The following BRD8 variants were observed in gnomAD, a reference collection of about 807,000 sequenced individuals.
BRD8 encodes the protein bromodomain containing 8, also known as bromodomain-containing protein 8.
Under a neutral mutation model 143.1 loss-of-function variants are expected in BRD8, and 67 were observed. The ratio of observed to expected loss-of-function variants is 0.47; its 90% CI spans 0.38 to 0.57. BRD8 has a LOEUF of 0.57. Among genes scored for constraint, BRD8 ranks in the 20% least tolerant of loss-of-function variants. The pLI, the probability that BRD8 is intolerant of heterozygous loss-of-function variation, is 0.00. For missense variants in BRD8, 1,103 were observed against 1,503.0 expected (o/e 0.73, Z 4.40); for synonymous variants, 505 against 517.1 (o/e 0.98, Z 0.32).
In BRD8 at chr5:138,166,564, T is replaced by C; in HGVS notation, c.951A>G (p.Ala317=). ...ATIVMMPALP[A]PSSAPAVSTT... ...TGGAGACAGCCGGAGCAGAGGATGG[T>C]GCTGGCAGCGCAGGCATCATGACAA... The change falls in exon 10 of 27, where the codon GCA becomes GCG. Residue 317 remains alanine, a synonymous_variant. Transcript: ENST00000254900. 6.2e-7 allele frequency: 1 copy of C among 1,614,004 alleles called. No individual in the cohort carries two copies. The highest frequency in any genetic ancestry group is 8.5e-7 in the Non-Finnish European group (1 of 1,179,964).
At chr5:138,178,574 C>CA (rs1278377397) in intron 1 of BRD8, 22 bp downstream of exon 1, 8 of 1,612,340 alleles carry the variant, frequency 5.0e-6, no homozygotes, top group Non-Finnish European at 6.8e-6. Context: ...GCCTTTCACG[C>CA]AAAACCTGCT....
chr5:138,145,117 TA>T, intron 25 of BRD8, 59 bp downstream of exon 25: 3 of 1,489,178 alleles, frequency 2.0e-6, no homozygotes, highest in Non-Finnish European at 2.8e-6. Context: ...AGATGGGAAA[TA>T]AAAAATGAAA....
chr5:138,142,519 C>G (rs987301123), intron 25 of BRD8, among the ~76,000 whole-genome samples: 2 of 151,830 alleles, frequency 1.3e-5, no homozygotes, highest in African/African-American at 4.8e-5. Flanking sequence ...AATCCCAGCA[C>G]TTTGGGAGGC....
At chr5:138,166,853 G>A (rs1162943858) in intron 9 of BRD8, 126 bp from the exon 10 acceptor site, 1 of 672,090 alleles carries the variant, frequency 1.5e-6, no homozygotes, top group South Asian at 1.6e-5. Flanking sequence ...CTCCTGCATT[G>A]AATAAGTTCA....
chr5:138,165,915 A>G lies in BRD8; in HGVS notation c.1191T>C (p.Ala397=), dbSNP rs1387754552. ...SIDGKEELDL[A]EKMDIAVSYT... ...AAGACACAGCAATATCCATCTTCTC[A>G]GCCAGATCTAATTCTTCCTTCCCAT... Residue 397 remains alanine, a synonymous_variant, in exon 11 of 27, where the codon GCT becomes GCC. Transcript: ENST00000254900. The G allele has an allele frequency of 2.5e-6, 4 of 1,614,100 alleles. No homozygotes were observed. The highest frequency in any genetic ancestry group is 3.4e-6 in the Non-Finnish European group (4 of 1,180,056).
Position 138,170,814 on chromosome 5 carries a change from C to T in BRD8, c.440+18G>A. ...GTAAAAAGAAAGAAGCACAGAAGAA[C>T]AATATAATATAACCCACGTTGCAAT... On this transcript the variant is annotated intron_variant, in intron 6 of 26. Coordinates refer to ENST00000254900, the MANE Select transcript of BRD8 (RefSeq NM_139199.2). The T allele has an allele frequency of 6.2e-7, 1 of 1,604,012 alleles. No individual in the cohort carries two copies. The highest frequency in any genetic ancestry group is 8.5e-7 in the Non-Finnish European group (1 of 1,171,056).
chr5:138,164,899 C>T lies in BRD8; in HGVS notation c.1546G>A (p.Glu516Lys). 1 of 1,614,196 alleles carries T rather than the reference C, an allele frequency of 6.2e-7. No homozygotes were observed. Residue 516 changes from glutamate (E) to lysine (K), a missense_variant, in exon 12 of 27, where the codon GAG becomes AAG. Transcript: ENST00000254900. ...ATTTCGGCTCCTGAAATGACTGGCT[C>T]TGGTTCTGCAGGTTCCACCTTGATC... Reference protein sequence around the residue: ...AEIKVEPAEPEPVISGAEIVA... With the variant: ...AEIKVEPAEPKPVISGAEIVA...
intron 20 of BRD8, chr5:138,157,323 G>A (rs905973861): frequency 5.6e-6 from 9 of 1,605,708 alleles, no homozygotes; most frequent in African/African-American, 2.7e-5. Context: ...GACAAGAGAC[G>A]GTGCAACAGA....
At chr5:138,147,831 A>G (rs1039809415) in intron 23 of BRD8, among the ~76,000 whole-genome samples, 2 of 152,068 alleles carry the variant, frequency 1.3e-5, no homozygotes, top group African/African-American at 4.8e-5. Context: ...CCAGCTATTC[A>G]TGAGGCTGAG....
At chr5:138,168,206 G>T in intron 8 of BRD8, 128 bp from the exon 9 acceptor site, 1 of 732,838 alleles carries the variant, frequency 1.4e-6, no homozygotes, top group Middle Eastern at 4.0e-4. Flanking sequence ...AATAATTTAA[G>T]ACCCAAGGGA....
At chr5:138,167,273 AAACAAC>A (rs756397602) in intron 9 of BRD8, among the ~76,000 whole-genome samples, 2 of 151,736 alleles carry the variant, frequency 1.3e-5, no homozygotes, top group African/African-American at 2.4e-5. Flanking sequence ...GTCTCAAAAA[AAACAAC>A]AACAACAACA....
At chr5:138,163,955 T>C in intron 14 of BRD8, 132 bp downstream of exon 14, 1 of 1,102,274 alleles carries the variant, frequency 9.1e-7, no homozygotes, top group Non-Finnish European at 1.3e-6. Flanking sequence ...CTACTGCAGC[T>C]TTTCCCCATG....
chr5:138,149,765 G>A lies in BRD8; in HGVS notation c.3153C>T (p.Asp1051=). Residue 1051 remains aspartate, a synonymous_variant, in exon 23 of 27, where the codon GAC becomes GAT. Transcript: ENST00000254900. The stretch of plus-strand genomic sequence containing the variant: ...TCTCTGACACATATACTTCACCCTG[G>A]TCCTCCCCTTTGGATTCTTGCTGAG... The part of the protein sequence containing the change: ...GEAQQESKGE[D]QGEVYVSEME... 3 of 1,610,742 alleles carry A rather than the reference G, an allele frequency of 1.9e-6. No individual in the cohort carries two copies. Among genetic ancestry groups the A allele is most frequent in the Non-Finnish European group, 2.5e-6 (3 of 1,179,060 alleles).
intron 2 of BRD8, 131 bp downstream of exon 2, chr5:138,177,440 C>T: frequency 3.4e-6 from 2 of 581,118 alleles, no homozygotes; most frequent in Non-Finnish European, 6.1e-6. Context: ...GAGACTCAGT[C>T]TCAAAAAAAG....
intron 21 of BRD8, 29 bp downstream of exon 21, chr5:138,152,453 C>T (rs539478006): frequency 1.2e-6 from 2 of 1,608,236 alleles, no homozygotes; most frequent in East Asian, 2.2e-5. Flanking sequence ...GAGGCTTTTC[C>T]AGCTTTGGAA....
At chr5:138,175,781 G>A (rs1754272629) in intron 2 of BRD8, among the ~76,000 whole-genome samples, 1 of 151,086 alleles carries the variant, frequency 6.6e-6, no homozygotes, top group African/African-American at 2.4e-5. Context: ...AGGGGTGATG[G>A]CATGTGCCTG....
intron 20 of BRD8, among the ~76,000 whole-genome samples, chr5:138,155,180 C>CTTT: frequency 6.6e-6 from 1 of 150,752 alleles, no homozygotes; most frequent in South Asian, 2.2e-4. Context: ...GGCGTGGTGG[C>CTTT]TTATGTCTGT....
intron 2 of BRD8, among the ~76,000 whole-genome samples, chr5:138,173,796 C>G (rs146752585): frequency 2.6e-5 from 4 of 152,316 alleles, no homozygotes; most frequent in South Asian, 2.1e-4. Context: ...CATCCTCACA[C>G]CTCAGCCTCC....
rs116624946 is a variant in BRD8, at chr5:138,139,955, G to A, written c.*119C>T. ...CTTTGACTCGTTGGTTGTGAGTTAA[G>A]GTATTATTCTTGTTGGAAAAGAAAA... On this transcript the variant is annotated 3_prime_UTR_variant, in exon 27 of 27. Transcript: ENST00000254900. 6,025 of 745,768 alleles carry A rather than the reference G, an allele frequency of 8.1e-3. 98 individuals carry two copies. The highest frequency in any genetic ancestry group is 0.051 in the African/African-American group (2,945 of 57,220). The allele number at this position is 745,768 out of a possible 1,614,324, so 46.2% of individuals were successfully genotyped here. A position where few individuals can be genotyped will look rare whatever the true frequency, so the allele number is the denominator to read the frequency against.
Sources: gnomAD v4.1 joint callset for allele counts (sites outside exome capture counted in the v4.1 genomes callset) on GRCh38, gnomAD v4.1.1 for gene constraint, MANE v1.5 for transcripts, NCBI Gene and HGNC (gene_info 2026-07-23, HGNC 2026-07-21) for gene names.